SPAG16: variants seen among roughly 807,000 people sequenced by gnomAD.
SPAG16 encodes sperm associated antigen 16.
SPAG16 carries 86 observed loss-of-function variants against 80.4 expected under a neutral mutation model. That is an observed-to-expected ratio of 1.07 (90% CI 0.90 to 1.28). SPAG16 has a LOEUF of 1.28. Among genes scored for constraint, SPAG16 ranks in the 50% most tolerant of loss-of-function variants. The pLI is 0.00. For missense variants in SPAG16, 870 were observed against 765.3 expected (o/e 1.14, Z -1.61); for synonymous variants, 294 against 265.9 (o/e 1.11, Z -1.03).
At chr2:213,335,652 A>G (rs2064321253) in intron 5 of SPAG16, among the ~76,000 whole-genome samples, 1 of 152,170 alleles carries the variant, frequency 6.6e-6, no homozygotes, top group Non-Finnish European at 1.5e-5. Context: ...AATCATTCAT[A>G]TATTCCTCAG....
chr2:214,403,995 A>T (rs1701855112), intron 15 of SPAG16, among the ~76,000 whole-genome samples: 1 of 152,176 alleles, frequency 6.6e-6, no homozygotes, highest in African/African-American at 2.4e-5. Flanking sequence ...TTTTGTTAGG[A>T]AGTAATGGTT....
intron 15 of SPAG16, among the ~76,000 whole-genome samples, chr2:214,225,253 G>A (rs891812965): frequency 6.6e-6 from 1 of 152,170 alleles, no homozygotes; most frequent in African/African-American, 2.4e-5. Context: ...GTAGGGCCTT[G>A]CTGGCCATTT....
intron 10 of SPAG16, among the ~76,000 whole-genome samples, chr2:213,608,257 T>C (rs558123898): frequency 6.6e-6 from 1 of 152,294 alleles, no homozygotes; most frequent in Admixed American, 6.5e-5. Flanking sequence ...ATGTGCCATG[T>C]TGGTGTGCTG....
intron 10 of SPAG16, among the ~76,000 whole-genome samples, chr2:213,828,520 T>A (rs527249003): frequency 2.0e-5 from 3 of 152,212 alleles, no homozygotes; most frequent in Non-Finnish European, 1.5e-5. Flanking sequence ...GATTGTTCCA[T>A]GGTGCTGTAT....
At chr2:213,728,115 C>T (rs2066856899) in intron 10 of SPAG16, among the ~76,000 whole-genome samples, 1 of 152,202 alleles carries the variant, frequency 6.6e-6, no homozygotes, top group Admixed American at 6.5e-5. Context: ...TCCCAAAGTG[C>T]TTGGATTACA....
chr2:213,418,021 G>C (rs926821069), intron 9 of SPAG16, among the ~76,000 whole-genome samples: 1 of 151,900 alleles, frequency 6.6e-6, no homozygotes, highest in African/African-American at 2.4e-5. Context: ...TTACAGGCAT[G>C]CTCCATCACA....
chr2:213,636,223 A>G (rs2062356544), intron 10 of SPAG16, among the ~76,000 whole-genome samples: 1 of 151,958 alleles, frequency 6.6e-6, no homozygotes, highest in Non-Finnish European at 1.5e-5. Flanking sequence ...TCCCCGCTTT[A>G]TATTTTTGTT....
chr2:213,875,507 TATG>T lies in SPAG16; in HGVS notation c.1214+12884_1214+12886del, dbSNP rs2076109043. 7.9e-5 allele frequency among the ~76,000 whole-genome samples: 12 copies of T among 152,278 alleles called. No homozygotes were observed. In the South Asian group the frequency reaches 2.5e-3, roughly 32 times the overall value. On this transcript the variant is annotated intron_variant, in intron 11 of 15. Coordinates refer to ENST00000331683, the MANE Select transcript of SPAG16 (RefSeq NM_024532.5). The stretch of plus-strand genomic sequence containing the variant: ...GTCAACTAGAAAGTTTTTTACTGAC[TATG>T]ATGAGAGGCTTCATAGGAGTGGTTG...
At chr2:214,269,487 A>G (rs1415986561) in intron 15 of SPAG16, among the ~76,000 whole-genome samples, 1 of 151,976 alleles carries the variant, frequency 6.6e-6, no homozygotes, top group African/African-American at 2.4e-5. Flanking sequence ...CTTAAATGAC[A>G]TTATTATTTA....
intron 13 of SPAG16, among the ~76,000 whole-genome samples, chr2:214,084,179 G>T (rs1247624264): frequency 4.6e-5 from 7 of 152,114 alleles, no homozygotes; most frequent in Non-Finnish European, 1.0e-4. Flanking sequence ...ACAAGGGAAA[G>T]ATTGAGATTC....
At chr2:213,955,847 T>C (rs1407149377) in intron 12 of SPAG16, among the ~76,000 whole-genome samples, 2 of 152,106 alleles carry the variant, frequency 1.3e-5, no homozygotes, top group Non-Finnish European at 2.9e-5. Flanking sequence ...ATCCCTATTT[T>C]CATTTCTGAT....
At chr2:214,064,468 A>AT (rs2050435623) in intron 13 of SPAG16, among the ~76,000 whole-genome samples, 1 of 151,958 alleles carries the variant, frequency 6.6e-6, no homozygotes, top group Non-Finnish European at 1.5e-5. Flanking sequence ...CCCTGTAGGT[A>AT]TTTTTCCAGA....
intron 10 of SPAG16, among the ~76,000 whole-genome samples, chr2:213,735,496 C>A (rs1001450870): frequency 6.6e-6 from 1 of 152,168 alleles, no homozygotes. Flanking sequence ...CTTCTTCCAC[C>A]ATGCGATTCA....
chr2:214,353,437 A>G (rs980524324), intron 15 of SPAG16, among the ~76,000 whole-genome samples: 3 of 152,154 alleles, frequency 2.0e-5, no homozygotes, highest in Non-Finnish European at 4.4e-5. Flanking sequence ...TTTAGTTTAG[A>G]TTGGTTTAAA....
chr2:213,857,912 G>A (rs1002866382), intron 10 of SPAG16, among the ~76,000 whole-genome samples: 3 of 152,196 alleles, frequency 2.0e-5, no homozygotes, highest in Middle Eastern at 3.4e-3. Flanking sequence ...ACTTTGAGAG[G>A]TTCAAGACTT....
chr2:213,665,684 G>T (rs1029357673), intron 10 of SPAG16, among the ~76,000 whole-genome samples: 1 of 152,044 alleles, frequency 6.6e-6, no homozygotes, highest in Non-Finnish European at 1.5e-5. Flanking sequence ...TTTTATGTGT[G>T]TTTATTTTTA....
At chr2:213,999,164 T>G (rs1002821348) in intron 12 of SPAG16, among the ~76,000 whole-genome samples, 11 of 151,714 alleles carry the variant, frequency 7.3e-5, no homozygotes, top group African/African-American at 2.4e-4. Flanking sequence ...ATGTCAGAGG[T>G]CTTCACGGCA....
intron 15 of SPAG16, among the ~76,000 whole-genome samples, chr2:214,265,397 T>C (rs2125881166): frequency 6.6e-6 from 1 of 152,254 alleles, no homozygotes; most frequent in African/African-American, 2.4e-5. Flanking sequence ...GCCATCTGTG[T>C]ATCTTCTTTG....
chr2:214,161,344 T>C (rs572764154), intron 15 of SPAG16, among the ~76,000 whole-genome samples: 149 of 152,282 alleles, frequency 9.8e-4, no homozygotes, highest in African/African-American at 3.4e-3. Context: ...AATCAAATGG[T>C]ATTTCAGGTT....
Sources: gnomAD v4.1 joint callset for allele counts (sites outside exome capture counted in the v4.1 genomes callset) on GRCh38, gnomAD v4.1.1 for gene constraint, MANE v1.5 for transcripts, NCBI Gene and HGNC (gene_info 2026-07-23, HGNC 2026-07-21) for gene names.